Variants in CDH12 observed in about 807,000 individuals in gnomAD.
CDH12 encodes cadherin-12.
CDH12 carries 41 observed loss-of-function variants against 74.1 expected under a neutral mutation model. The ratio of observed to expected loss-of-function variants is 0.55; its 90% CI spans 0.43 to 0.72. The LOEUF (loss-of-function observed/expected upper bound fraction) is 0.72, where lower values mean the gene tolerates loss of function less well. Ranked by LOEUF, CDH12 falls within the 30% of genes least tolerant of loss-of-function variation. CDH12 has a pLI of 0.00. For missense variants in CDH12, 945 were observed against 977.2 expected (o/e 0.97, Z 0.44); for synonymous variants, 399 against 355.0 (o/e 1.12, Z -1.39).
chr5:22,663,631 G>T (rs1232255876), intron 1 of CDH12, among the ~76,000 whole-genome samples: 2 of 152,030 alleles, frequency 1.3e-5, no homozygotes, highest in African/African-American at 2.4e-5. Flanking sequence ...ATGTAATAAT[G>T]CTTCATTACA....
At chr5:22,043,705 G>GAA (rs771576771) in intron 5 of CDH12, among the ~76,000 whole-genome samples, 30 of 136,762 alleles carry the variant, frequency 2.2e-4, no homozygotes, top group African/African-American at 6.1e-4. Context: ...AAAACTCTAT[G>GAA]AAAAAAAAAA....
At chr5:21,800,438 G>A (rs1747047199) in intron 10 of CDH12, among the ~76,000 whole-genome samples, 1 of 152,058 alleles carries the variant, frequency 6.6e-6, no homozygotes, top group African/African-American at 2.4e-5. Flanking sequence ...GGGCATTTGG[G>A]AGGTAATTAG....
At chr5:22,795,405 G>C (rs1748143730) in intron 1 of CDH12, among the ~76,000 whole-genome samples, 1 of 151,956 alleles carries the variant, frequency 6.6e-6, no homozygotes, top group African/African-American at 2.4e-5. Context: ...TCCTAAACCT[G>C]ACATAAGGAA....
intron 6 of CDH12, among the ~76,000 whole-genome samples, chr5:21,953,613 T>C (rs933321349): frequency 3.3e-5 from 5 of 152,126 alleles, no homozygotes; most frequent in Admixed American, 2.6e-4. Context: ...AAGAAATAAT[T>C]CTCCACTCTT....
At chr5:22,472,470 T>A (rs1178561642) in intron 2 of CDH12, among the ~76,000 whole-genome samples, 1 of 152,160 alleles carries the variant, frequency 6.6e-6, no homozygotes, top group Non-Finnish European at 1.5e-5. Flanking sequence ...ATTTCTAACC[T>A]GAACACTTTG....
At chr5:21,884,351 A>T in intron 6 of CDH12, 16 of 994,594 alleles carry the variant, frequency 1.6e-5, no homozygotes, top group Non-Finnish European at 2.4e-5. Context: ...ATGAACTGTG[A>T]CAGGAAGCCC....
chr5:21,965,800 C>T (rs1448733982), intron 6 of CDH12, among the ~76,000 whole-genome samples: 2 of 152,108 alleles, frequency 1.3e-5, no homozygotes, highest in Admixed American at 1.3e-4. Flanking sequence ...CACAATGAGG[C>T]AACCAAATAT....
chr5:22,166,088 T>C (rs113776159), intron 4 of CDH12, among the ~76,000 whole-genome samples: 4 of 151,450 alleles, frequency 2.6e-5, no homozygotes, highest in South Asian at 2.1e-4. Flanking sequence ...CGAATTCTTT[T>C]TTGTGTGAAA....
rs182246568 is a variant in CDH12, at chr5:22,541,455, G to A, written c.-522-36091C>T. ...ACCATGTTTTATCTGAAATTCCAAT[G>A]TCCCAAATGTCCTGAAAGTGAAAAG... On this transcript the variant is annotated intron_variant, in intron 1 of 14. Transcript: ENST00000382254. Among the ~76,000 whole-genome samples the A allele has an allele frequency of 4.6e-5, 7 of 152,284 alleles. No homozygotes were observed. In the East Asian group the frequency reaches 9.6e-4, roughly 21 times the overall value.
intron 1 of CDH12, among the ~76,000 whole-genome samples, chr5:22,812,372 C>T (rs140231027): frequency 7.7e-4 from 117 of 152,260 alleles, no homozygotes; most frequent in Non-Finnish European, 1.4e-3. Flanking sequence ...TGTCCGTCTC[C>T]TCTGCAAACA....
At chr5:22,525,699 G>C (rs1737240716) in intron 1 of CDH12, among the ~76,000 whole-genome samples, 1 of 151,940 alleles carries the variant, frequency 6.6e-6, no homozygotes, top group Non-Finnish European at 1.5e-5. Flanking sequence ...TTTGCCATAG[G>C]CTCCCCCTCA....
At chr5:22,478,988 C>T (rs1746281874) in intron 2 of CDH12, among the ~76,000 whole-genome samples, 1 of 152,130 alleles carries the variant, frequency 6.6e-6, no homozygotes, top group Non-Finnish European at 1.5e-5. Flanking sequence ...AGTGTTCTAA[C>T]ATGTTCATGT....
intron 2 of CDH12, among the ~76,000 whole-genome samples, chr5:22,502,651 C>G (rs553425852): frequency 1.4e-5 from 2 of 139,876 alleles, no homozygotes; most frequent in African/African-American, 5.0e-5. Flanking sequence ...CACACACACA[C>G]GCACACACAG....
At chr5:22,689,894 T>C (rs936353399) in intron 1 of CDH12, among the ~76,000 whole-genome samples, 2 of 152,060 alleles carry the variant, frequency 1.3e-5, no homozygotes, top group Non-Finnish European at 2.9e-5. Flanking sequence ...TTTTGTGAAA[T>C]TCTATAATTT....
At chr5:22,612,964 G>T (rs1021543528) in intron 1 of CDH12, among the ~76,000 whole-genome samples, 3 of 152,122 alleles carry the variant, frequency 2.0e-5, no homozygotes, top group Admixed American at 6.6e-5. Context: ...AGATAATGAA[G>T]ATGGAGTGTA....
intron 3 of CDH12, among the ~76,000 whole-genome samples, chr5:22,370,286 G>T (rs1468417804): frequency 6.6e-6 from 1 of 152,062 alleles, no homozygotes; most frequent in Non-Finnish European, 1.5e-5. Flanking sequence ...TCACTGTCAA[G>T]AAAAGTAGAT....
At chr5:22,435,855 C>T (rs762655497) in intron 2 of CDH12, among the ~76,000 whole-genome samples, 3 of 151,950 alleles carry the variant, frequency 2.0e-5, no homozygotes, top group African/African-American at 4.8e-5. Flanking sequence ...CAGGAGCTGA[C>T]TTAGCCCAAG....
chr5:22,271,731 C>T (rs907136822), intron 3 of CDH12, among the ~76,000 whole-genome samples: 7 of 152,134 alleles, frequency 4.6e-5, no homozygotes, highest in African/African-American at 1.7e-4. Context: ...TGCTACATTT[C>T]CATCAGAGTT....
intron 3 of CDH12, among the ~76,000 whole-genome samples, chr5:22,289,656 A>T (rs985671871): frequency 2.6e-5 from 4 of 152,166 alleles, no homozygotes; most frequent in Admixed American, 2.6e-4. Flanking sequence ...AATGAAAAAT[A>T]TGCATTGAAG....
Sources: allele counts gnomAD v4.1 joint callset (sites outside exome capture counted in the v4.1 genomes callset), GRCh38; gene constraint gnomAD v4.1.1; transcripts MANE v1.5; gene names NCBI Gene and HGNC (gene_info 2026-07-23, HGNC 2026-07-21).